The following DNAL4 variants were observed in gnomAD, a reference collection of about 807,000 sequenced individuals.
The protein encoded by DNAL4 is dynein axonemal light chain 4, also known as dynein light chain, outer arm 4.
DNAL4 carries 10 observed loss-of-function variants against 12.6 expected under a neutral mutation model. The observed-to-expected ratio is 0.79, with a 90% CI of 0.49 to 1.34. The LOEUF (loss-of-function observed/expected upper bound fraction) is 1.34. Among genes scored for constraint, DNAL4 ranks in the 40% most tolerant of loss-of-function variants. The probability of loss-of-function intolerance (pLI) is 0.00; values close to 1 mark genes in which losing one functional copy is unlikely to be tolerated. For synonymous variants in DNAL4, 46 were observed against 53.1 expected, an observed-to-expected ratio of 0.87 and a Z score of 0.58; for missense variants, 128 against 138.1, an observed-to-expected ratio of 0.93 and a Z score of 0.37.
rs1045940929 is a variant in DNAL4, at chr22:38,779,213, C to G, written c.*236G>C. 8 of 454,896 alleles carry G rather than the reference C, an allele frequency of 1.8e-5. No homozygotes were observed. Among genetic ancestry groups the G allele is most frequent in the Admixed American group, 1.4e-4 (4 of 27,786 alleles). 28.2% of individuals were successfully genotyped at this position (454,896 alleles called of 1,614,324 possible). A position where few individuals can be genotyped will look rare whatever the true frequency, so the allele number is the denominator to read the frequency against. ...ACCGCCCCACCCCACGTCTCCCACACAGACCCATGCCCGCTGCCCCGTCCA... is the reference window on the plus strand; with the variant it reads ...ACCGCCCCACCCCACGTCTCCCACAGAGACCCATGCCCGCTGCCCCGTCCA... On this transcript the variant is annotated 3_prime_UTR_variant, in exon 4 of 4. Coordinates refer to ENST00000216068, the MANE Select transcript of DNAL4 (RefSeq NM_005740.3). The surrounding 1 kb of genome is among the most constrained non-coding windows in gnomAD (Gnocchi z 4.3).
In DNAL4 at chr22:38,779,722, G is replaced by T. The variant is rs1569316557; in HGVS notation, c.154-109C>A. 2.2e-6 allele frequency: 3 copies of T among 1,356,446 alleles called. No homozygotes were observed. The highest frequency in any genetic ancestry group is 3.0e-6 in the Non-Finnish European group (3 of 1,007,722). The allele number at this position is 1,356,446 out of a possible 1,614,324, so 84.0% of individuals were successfully genotyped here. A position where few individuals can be genotyped will look rare whatever the true frequency, so the allele number is the denominator to read the frequency against. ...GCACTGAGGTCTTGGCAAGAGAAAG[G>T]CCTGCTGTCCTATTTCTCTTGTCCT... On this transcript the variant is annotated intron_variant, in intron 3 of 3. Coordinates refer to ENST00000216068, the MANE Select transcript of DNAL4 (RefSeq NM_005740.3). The surrounding 1 kb of genome is among the most constrained non-coding windows in gnomAD (Gnocchi z 4.3).
intron 1 of DNAL4, among the ~76,000 whole-genome samples, chr22:38,783,406 C>CAT: frequency 8.0e-6 from 1 of 125,658 alleles, no homozygotes; most frequent in Middle Eastern, 4.3e-3. Flanking sequence ...CCTCCCACTA[C>CAT]ACACACGGGC....
rs1225678096 is a variant in DNAL4, at chr22:38,781,092, T to A, written c.70-83A>T. 3.3e-6 allele frequency: 5 copies of A among 1,507,400 alleles called. No homozygotes were observed. The East Asian group carries it at 1.1e-4, about 34-fold the overall frequency. The allele number at this position is 1,507,400 out of a possible 1,614,324, so 93.4% of individuals were successfully genotyped here. ...CCTGGCTGGCCTCTCTGTCCCAAGC[T>A]TAAGGCATGGACAGCAGGTAGCCTC... On this transcript the variant is annotated intron_variant, in intron 2 of 3. Transcript: ENST00000216068.
intron 3 of DNAL4, among the ~76,000 whole-genome samples, chr22:38,780,215 A>T (rs563839975): frequency 1.3e-5 from 2 of 152,312 alleles, no homozygotes; most frequent in South Asian, 4.1e-4. Flanking sequence ...AGCGCCTCCC[A>T]CCATGCCAGG....
intron 1 of DNAL4, among the ~76,000 whole-genome samples, chr22:38,793,107 C>G (rs2093053521): frequency 6.6e-6 from 1 of 152,200 alleles, no homozygotes; most frequent in African/African-American, 2.4e-5. Flanking sequence ...ACCGTGGTAT[C>G]TGTGGTCTTT....
intron 1 of DNAL4, among the ~76,000 whole-genome samples, chr22:38,784,922 G>T (rs112312696): frequency 6.6e-6 from 1 of 151,570 alleles, no homozygotes; most frequent in Non-Finnish European, 1.5e-5. Flanking sequence ...CCAATGACTC[G>T]GTGCCACTCC....
At chr22:38,792,208 C>T (rs1459427318) in intron 1 of DNAL4, among the ~76,000 whole-genome samples, 1 of 151,730 alleles carries the variant, frequency 6.6e-6, no homozygotes. Context: ...CATTGTACAG[C>T]TATACAAAAA....
rs2093035800 is a variant in DNAL4 at position 38,782,515 on chromosome 22, C to T, written c.69+148G>A. On this transcript the variant is annotated intron_variant, in intron 2 of 3. Transcript: ENST00000216068. This position sits in a 1 kb window ranked among gnomAD's most constrained non-coding sequence, Gnocchi z 5.1. ...AATGAATGAATGAAACAATGAATCACTGTCAACTCCAAGATGTCTAGGTCT... is the reference window on the plus strand; with the variant it reads ...AATGAATGAATGAAACAATGAATCATTGTCAACTCCAAGATGTCTAGGTCT... 2.8e-6 allele frequency: 2 copies of T among 721,332 alleles called. No homozygotes were observed. Among genetic ancestry groups the T allele is most frequent in the Non-Finnish European group, 4.6e-6 (2 of 434,276 alleles). 44.7% of individuals were successfully genotyped at this position (721,332 alleles called of 1,614,324 possible). A position where few individuals can be genotyped will look rare whatever the true frequency, so the allele number is the denominator to read the frequency against.
At chr22:38,781,195 AG>A (rs1321263881) in intron 2 of DNAL4, among the ~76,000 whole-genome samples, 186 bp from the exon 3 acceptor site, 1 of 152,224 alleles carries the variant, frequency 6.6e-6, no homozygotes, top group Non-Finnish European at 1.5e-5. Flanking sequence ...CATGGAGCTG[AG>A]CCTCGTGGGC....
Position 38,779,547 on chromosome 22 carries a change from C to G in DNAL4, c.220G>C (p.Gly74Arg). The G allele has an allele frequency of 6.3e-7, 1 of 1,591,374 alleles. No homozygotes were observed. Among genetic ancestry groups the G allele is most frequent in the Non-Finnish European group, 8.6e-7 (1 of 1,167,990 alleles). Residue 74 changes from glycine to arginine, a missense_variant, in exon 4 of 4, where the codon GGC (glycine) becomes CGC (arginine). Transcript: ENST00000216068. This position sits in a 1 kb window ranked among gnomAD's most constrained non-coding sequence, Gnocchi z 4.3. ...GTGATCTCAAACCCAAAGCCCTCGC[C>G]GATCACCACGTGCCAGGAGGAGCCG... ...KFGSSWHVVI[G>R]EGFGFEITHE...
At chr22:38,792,988 T>C (rs1363236781) in intron 1 of DNAL4, among the ~76,000 whole-genome samples, 1 of 152,336 alleles carries the variant, frequency 6.6e-6, no homozygotes, top group East Asian at 1.9e-4. Context: ...GTAGGTTTGC[T>C]TACACCAGCA....
At chr22:38,792,940 C>T (rs944041117) in intron 1 of DNAL4, among the ~76,000 whole-genome samples, 1 of 152,128 alleles carries the variant, frequency 6.6e-6, no homozygotes, top group East Asian at 1.9e-4. Flanking sequence ...GTCCTGTACA[C>T]AATTGTATGT....
chr22:38,788,444 T>G (rs978731769), intron 1 of DNAL4, among the ~76,000 whole-genome samples: 1 of 152,106 alleles, frequency 6.6e-6, no homozygotes, highest in African/African-American at 2.4e-5. Context: ...CAATGAAAAC[T>G]TAATGTGCCT....
chr22:38,780,799 T>A, intron 3 of DNAL4, 127 bp downstream of exon 3: 1 of 914,770 alleles, frequency 1.1e-6, no homozygotes, highest in Non-Finnish European at 1.7e-6. Flanking sequence ...GACTGAATGC[T>A]TCCAAGGAAG....
At chr22:38,787,152 G>A (rs1043037775) in intron 1 of DNAL4, among the ~76,000 whole-genome samples, 1 of 152,080 alleles carries the variant, frequency 6.6e-6, no homozygotes, top group African/African-American at 2.4e-5. Flanking sequence ...AGACTCCACC[G>A]TCGGATCTGA....
intron 1 of DNAL4, among the ~76,000 whole-genome samples, chr22:38,783,825 G>C (rs1182471616): frequency 6.6e-6 from 1 of 152,218 alleles, no homozygotes; most frequent in African/African-American, 2.4e-5. Context: ...GCACACGGCA[G>C]GCACTCAGTA....
intron 1 of DNAL4, among the ~76,000 whole-genome samples, chr22:38,793,821 G>C (rs879740789): frequency 5.9e-5 from 9 of 152,088 alleles, no homozygotes; most frequent in Admixed American, 5.9e-4. Flanking sequence ...GGCAGGCCTT[G>C]GGTGGGTGGG....
At chr22:38,785,092 T>C (rs184169284) in intron 1 of DNAL4, among the ~76,000 whole-genome samples, 18 of 152,018 alleles carry the variant, frequency 1.2e-4, no homozygotes, top group Non-Finnish European at 2.2e-4. Flanking sequence ...TTTTTGTTTG[T>C]CTCTCTCTAC....
intron 1 of DNAL4, among the ~76,000 whole-genome samples, chr22:38,784,125 G>A (rs2093038560): frequency 6.6e-6 from 1 of 152,162 alleles, no homozygotes; most frequent in Non-Finnish European, 1.5e-5. Context: ...GCACAGTCAT[G>A]GAACCCAAAG....
Sources: gnomAD v4.1 joint callset for allele counts (sites outside exome capture counted in the v4.1 genomes callset) on GRCh38, gnomAD v4.1.1 for gene constraint, Gnocchi (gnomAD v3.1) non-coding constraint, MANE v1.5 for transcripts, NCBI Gene and HGNC (gene_info 2026-07-23, HGNC 2026-07-21) for gene names.